Variants in MAFF observed in about 807,000 individuals in gnomAD.
MAFF encodes transcription factor MafF.
In MAFF, 4 loss-of-function variants were observed where a neutral mutation model predicts 2.7. The observed-to-expected ratio is 1.48, with a 90% confidence interval of 0.73 to 3.39. The LOEUF (loss-of-function observed/expected upper bound fraction) is 3.39, where lower values mean the gene tolerates loss of function less well. MAFF is among the 30% of genes most tolerant of loss of function. MAFF has a pLI of 0.01. For missense variants in MAFF, 190 were observed against 246.6 expected, an observed-to-expected ratio of 0.77 and a Z score of 1.54; for synonymous variants, 113 against 119.4, an observed-to-expected ratio of 0.95 and a Z score of 0.35.
At chr22:38,207,363 C>T (rs528757045) in intron 1 of MAFF, among the ~76,000 whole-genome samples, 2 of 149,954 alleles carry the variant, frequency 1.3e-5, no homozygotes, top group South Asian at 2.1e-4. Context: ...CCTCATGATC[C>T]GCCCACCTCG....
At chr22:38,206,109 T>C (rs1284729883) in intron 1 of MAFF, among the ~76,000 whole-genome samples, 1 of 152,154 alleles carries the variant, frequency 6.6e-6, no homozygotes, top group Non-Finnish European at 1.5e-5. Flanking sequence ...TCCGCTATTA[T>C]CAAGGATAGG....
chr22:38,213,818 C>T lies in MAFF; in HGVS notation c.-31-5C>T, dbSNP rs749424127. ...ACAGTGACTTTGACCTCCTTTCTAC[C>T]CTAGGTCTGCAGCCCAGAGGGCACC... is the stretch of plus-strand genomic sequence containing the variant. On this transcript the variant is annotated splice_polypyrimidine_tract_variant and splice_region_variant and intron_variant, in intron 1 of 2. Transcript: ENST00000338483. 5.6e-6 allele frequency: 9 copies of T among 1,608,914 alleles called. No individual in the cohort carries two copies. In the Admixed American group the frequency reaches 1.5e-4, roughly 27 times the overall value.
At chr22:38,212,215 G>T (rs2091106588) in intron 1 of MAFF, among the ~76,000 whole-genome samples, 1 of 152,146 alleles carries the variant, frequency 6.6e-6, no homozygotes, top group Non-Finnish European at 1.5e-5. Context: ...TGGCCAGGCT[G>T]GTCTTGAACT....
At chr22:38,205,283 G>C (rs1248304278) in intron 1 of MAFF, 2 of 152,164 alleles carry the variant, frequency 1.3e-5, no homozygotes, top group Non-Finnish European at 2.9e-5. Context: ...CAGCGAGTGT[G>C]AGAGGGTACC....
intron 1 of MAFF, among the ~76,000 whole-genome samples, chr22:38,207,423 C>CTTTTTTT (rs71195092): frequency 1.3e-5 from 1 of 78,350 alleles, no homozygotes; most frequent in Non-Finnish European, 2.3e-5. Context: ...GCTTGGCCAT[C>CTTTTTTT]TTTTTTTTTT....
intron 1 of MAFF, among the ~76,000 whole-genome samples, chr22:38,205,050 T>G (rs1008582758): frequency 6.6e-6 from 1 of 152,110 alleles, no homozygotes; most frequent in Non-Finnish European, 1.5e-5. Context: ...AGGGCTAGTC[T>G]GATAGTCTGA....
chr22:38,214,813 C>A lies in MAFF; in HGVS notation c.430C>A (p.Pro144Thr), dbSNP rs987231574. 1.3e-6 allele frequency: 2 copies of A among 1,489,868 alleles called. No homozygotes were observed. The highest frequency in any genetic ancestry group is 1.8e-6 in the Non-Finnish European group (2 of 1,125,512). 92.3% of individuals were successfully genotyped at this position (1,489,868 alleles called of 1,614,324 possible). A position where few individuals can be genotyped will look rare whatever the true frequency, so the allele number is the denominator to read the frequency against. The stretch of plus-strand genomic sequence containing the variant: ...CGTCATCACCATCGTCAAGTCCACC[C>A]CGGGCTCGGGGTCTGGCCCCGCCCA... ...ASVITIVKST[P>T]GSGSGPAHGP... is the part of the protein sequence containing the mutation. The change falls in exon 3 of 3, where the codon CCG (proline) becomes ACG (threonine). Residue 144 changes from proline to threonine, a missense_variant. By Grantham distance (38) the Pro-to-Thr change is conservative. Transcript: ENST00000338483. This position sits in a 1 kb window ranked among gnomAD's most constrained non-coding sequence, Gnocchi z 6.3.
In MAFF at chr22:38,214,371, G is replaced by A. The variant is rs773813312; in HGVS notation, c.37-49G>A. 1 of 1,494,666 alleles carries A rather than the reference G, an allele frequency of 6.7e-7. No homozygotes were observed. The highest frequency in any genetic ancestry group is 9.0e-7 in the Non-Finnish European group (1 of 1,115,242). The allele number at this position is 1,494,666 out of a possible 1,614,324, so 92.6% of individuals were successfully genotyped here. A position where few individuals can be genotyped will look rare whatever the true frequency, so the allele number is the denominator to read the frequency against. ...AAAGAGGAACACCGCGGGTGGAGCG[G>A]GGGGGCCCGTCCCCAGTCCCCTGGA... On this transcript the variant is annotated intron_variant, in intron 2 of 2. Coordinates refer to ENST00000338483, the MANE Select transcript of MAFF (RefSeq NM_012323.4). The surrounding 1 kb of genome is among the most constrained non-coding windows in gnomAD (Gnocchi z 6.3).
chr22:38,202,032 G>C lies in MAFF; in HGVS notation c.-212G>C, dbSNP rs1412811056. On this transcript the variant is annotated 5_prime_UTR_variant, in exon 1 of 3. Transcript: ENST00000338483. This position sits in a 1 kb window ranked among gnomAD's most constrained non-coding sequence, Gnocchi z 7.4. Reference sequence around the variant, plus strand: ...TCGCCTTACAACTCCGCGCGGCCTCGGCCCCCTGCGCCGCCCGCCCCACAA... The same window carrying C: ...TCGCCTTACAACTCCGCGCGGCCTCCGCCCCCTGCGCCGCCCGCCCCACAA... 1 of 152,380 alleles carries C rather than the reference G, an allele frequency of 6.6e-6. No homozygotes were observed. The highest frequency in any genetic ancestry group is 1.9e-4 in the East Asian group (1 of 5,182). The allele number at this position is 152,380 out of a possible 1,614,324, so 9.4% of individuals were successfully genotyped here.
At chr22:38,213,923 C>T (rs376900774) in intron 2 of MAFF, 34 bp downstream of exon 2, 29 of 1,611,234 alleles carry the variant, frequency 1.8e-5, no homozygotes, top group Non-Finnish European at 2.4e-5. Context: ...CCAGTGAAGC[C>T]CTCCCTCCCT....
chr22:38,210,661 T>TGTGTGTCC (rs1555888487), intron 1 of MAFF, among the ~76,000 whole-genome samples: 1 of 136,078 alleles, frequency 7.3e-6, no homozygotes, highest in Non-Finnish European at 1.6e-5. Flanking sequence ...TGTGTGTGTG[T>TGTGTGTCC]CCGTGTGTGT....
intron 1 of MAFF, chr22:38,213,608 G>A (rs2091118634): frequency 4.6e-6 from 3 of 656,746 alleles, no homozygotes; most frequent in Non-Finnish European, 8.4e-6. Flanking sequence ...TCACCATGGG[G>A]CTAGAACAGT....
intron 2 of MAFF, 77 bp downstream of exon 2, chr22:38,213,966 C>T (rs980722181): frequency 6.6e-7 from 1 of 1,513,426 alleles, no homozygotes; most frequent in South Asian, 1.1e-5. Flanking sequence ...CCAACTTCCC[C>T]TTCTTTCCTG....
chr22:38,214,533 A>G lies in MAFF; in HGVS notation c.150A>G (p.Thr50=), dbSNP rs1347766595. 1.9e-6 allele frequency: 3 copies of G among 1,610,302 alleles called. No individual in the cohort carries two copies. The highest frequency in any genetic ancestry group is 1.7e-4 in the Middle Eastern group (1 of 6,006). ...HLRGLSAEEV[T]RLKQRRRTLK... is the part of the protein sequence containing the mutation. The stretch of plus-strand genomic sequence containing the variant: ...GCGGGCTCTCCGCCGAGGAGGTGAC[A>G]CGGCTCAAGCAGCGGCGCCGCACAC... The change falls in exon 3 of 3, where the codon ACA becomes ACG. Residue 50 remains threonine, a synonymous_variant. Coordinates refer to ENST00000338483, the MANE Select transcript of MAFF (RefSeq NM_012323.4). The surrounding 1 kb of genome is among the most constrained non-coding windows in gnomAD (Gnocchi z 6.3).
In MAFF at chr22:38,214,476, G is replaced by A; in HGVS notation, c.93G>A (p.Gly31=). The change falls in exon 3 of 3, where the codon GGG becomes GGA. Residue 31 remains glycine, a synonymous_variant. Coordinates refer to ENST00000338483, the MANE Select transcript of MAFF (RefSeq NM_012323.4). This position sits in a 1 kb window ranked among gnomAD's most constrained non-coding sequence, Gnocchi z 6.3. ...ACCTGTCGGACGAGGCGCTGATGGG[G>A]CTGTCGGTGCGCGAGCTGAACCGGC... ...TPHLSDEALM[G]LSVRELNRHL... The A allele has an allele frequency of 6.2e-7, 1 of 1,609,780 alleles. No individual in the cohort carries two copies. Among genetic ancestry groups the A allele is most frequent in the South Asian group, 1.1e-5 (1 of 90,918 alleles).
intron 1 of MAFF, among the ~76,000 whole-genome samples, chr22:38,212,933 G>A (rs529017827): frequency 2.0e-5 from 3 of 152,080 alleles, no homozygotes; most frequent in South Asian, 2.1e-4. Flanking sequence ...AGGCTGAGGC[G>A]GGTGGATCAC....
At position 38,214,913 on chromosome 22, in the gene MAFF, C is replaced by T; in HGVS notation, c.*35C>T. On this transcript the variant is annotated 3_prime_UTR_variant, in exon 3 of 3. Transcript: ENST00000338483. This position sits in a 1 kb window ranked among gnomAD's most constrained non-coding sequence, Gnocchi z 6.3. ...CCGCCATGCCTCAGCCACGCCCCTC[C>T]GGCCTCAGCTCCCTCCCCAAAGTGC... 6.8e-7 allele frequency: 1 copy of T among 1,463,286 alleles called. No individual in the cohort carries two copies. The highest frequency in any genetic ancestry group is 9.3e-7 in the Non-Finnish European group (1 of 1,076,756). 90.6% of individuals were successfully genotyped at this position (1,463,286 alleles called of 1,614,324 possible).
Position 38,216,312 on chromosome 22 carries a change from T to C in MAFF, c.*1434T>C, listed in dbSNP as rs1409331116. The C allele has an allele frequency of 1.3e-5, 2 of 158,812 alleles. No homozygotes were observed. The highest frequency in any genetic ancestry group is 6.5e-5 in the Admixed American group (1 of 15,274). 9.8% of individuals were successfully genotyped at this position (158,812 alleles called of 1,614,324 possible). On this transcript the variant is annotated 3_prime_UTR_variant, in exon 3 of 3. Transcript: ENST00000338483. ...ATCACTTAAGCCCAGAAGGCAGAGGTTGTAGTGAGCTGAGATCGCACCACT... is the reference window on the plus strand; with the variant it reads ...ATCACTTAAGCCCAGAAGGCAGAGGCTGTAGTGAGCTGAGATCGCACCACT...
Position 38,210,623 on chromosome 22 carries a change from A to AGTGTGTGTGTGTGTGTGTGT in MAFF, c.-31-3181_-31-3162dup, listed in dbSNP as rs71195095. Among the ~76,000 whole-genome samples, 227 of 132,996 alleles carry AGTGTGTGTGTGTGTGTGTGT rather than the reference A, an allele frequency of 1.7e-3. 4 individuals carry two copies. The highest frequency in any genetic ancestry group is 2.5e-3 in the Non-Finnish European group (155 of 62,930). 87.3% of individuals were successfully genotyped at this position (132,996 alleles called of 152,430 possible). On this transcript the variant is annotated intron_variant, in intron 1 of 2. Coordinates refer to ENST00000338483, the MANE Select transcript of MAFF (RefSeq NM_012323.4). ...CCTGAGGTGGGGAAGGGACACAGGGAGTGTGTGTGTGTGTGTGTGTGTGTG... is the reference window on the plus strand; with the variant it reads ...CCTGAGGTGGGGAAGGGACACAGGGAGTGTGTGTGTGTGTGTGTGTGTGTGTGTGTGTGTGTGTGTGTGTG...
Sources: allele counts gnomAD v4.1 joint callset (sites outside exome capture counted in the v4.1 genomes callset), GRCh38; gene constraint gnomAD v4.1.1; non-coding constraint Gnocchi (gnomAD v3.1); transcripts MANE v1.5; gene names NCBI Gene and HGNC (gene_info 2026-07-23, HGNC 2026-07-21).